Variants in ARL14EPL observed in about 807,000 individuals in gnomAD.
ARL14EPL encodes ARL14 effector protein-like.
ARL14EPL carries 17 observed loss-of-function variants against 15.9 expected under a neutral mutation model. That is an observed-to-expected ratio of 1.07 (90% CI 0.73 to 1.60). The LOEUF is 1.60. Among genes scored for constraint, ARL14EPL ranks in the 40% most tolerant of loss-of-function variants. The probability of loss-of-function intolerance (pLI) is 0.00; values close to 1 mark genes in which losing one functional copy is unlikely to be tolerated. For missense variants in ARL14EPL, 214 were observed against 185.9 expected (o/e 1.15, Z -0.88); for synonymous variants, 78 against 63.8 (o/e 1.22, Z -1.06).
At chr5:116,057,043 C>A (rs950409925) in intron 3 of ARL14EPL, among the ~76,000 whole-genome samples, 8 of 152,110 alleles carry the variant, frequency 5.3e-5, no homozygotes. Context: ...ACTGGCAAAC[C>A]AAATCCAGCA....
rs150104180 is a variant in ARL14EPL at position 116,037,302 on chromosome 5, A to G, written c.-10+4797A>G. On this transcript the variant is annotated intron_variant, in intron 1 of 3. Coordinates refer to ENST00000686077, the MANE Select transcript of ARL14EPL (RefSeq NM_001195581.2). ...CTATATGGTCTCCAAAGCCCTCTCC[A>G]GATGTGACACCGCATTGACACACAG... Among the ~76,000 whole-genome samples the G allele has an allele frequency of 4.3e-3, 653 of 152,352 alleles. 3 individuals are homozygous for G. The highest frequency in any genetic ancestry group is 7.2e-3 in the Non-Finnish European group (493 of 68,028).
intron 1 of ARL14EPL, among the ~76,000 whole-genome samples, chr5:116,047,458 T>C (rs1749294971): frequency 6.6e-6 from 1 of 152,244 alleles, no homozygotes; most frequent in African/African-American, 2.4e-5. Flanking sequence ...ATTAGTATCT[T>C]TGTGACTCAA....
intron 1 of ARL14EPL, among the ~76,000 whole-genome samples, chr5:116,036,931 G>T (rs1023334542): frequency 4.8e-5 from 6 of 125,122 alleles, no homozygotes; most frequent in African/African-American, 9.6e-5. Context: ...GGCAATTAAA[G>T]ATTTTTTTTT....
Position 116,054,025 on chromosome 5 carries a change from G to A in ARL14EPL, c.108G>A (p.Glu36=). 2 of 1,534,628 alleles carry A rather than the reference G, an allele frequency of 1.3e-6. No individual in the cohort carries two copies. Among genetic ancestry groups the A allele is most frequent in the African/African-American group, 1.4e-5 (1 of 73,112 alleles). The change falls in exon 3 of 4, where the codon GAG becomes GAA. Residue 36 remains glutamate, a synonymous_variant. Transcript: ENST00000686077. ...QIGQKQLQQI[E]RQLKCLAFRN... ...TATTTGTTTAATAGCAACAAATAGA[G>A]CGGCAGTTAAAATGCTTGGCATTTC...
chr5:116,033,299 A>G (rs1460175606), intron 1 of ARL14EPL, among the ~76,000 whole-genome samples: 1 of 151,958 alleles, frequency 6.6e-6, no homozygotes, highest in Non-Finnish European at 1.5e-5. Context: ...GAGCTATTCT[A>G]TTTTTTTCAC....
At chr5:116,053,275 C>T (rs1299240416) in intron 2 of ARL14EPL, among the ~76,000 whole-genome samples, 1 of 151,728 alleles carries the variant, frequency 6.6e-6, no homozygotes, top group African/African-American at 2.4e-5. Context: ...TCACTTGAGC[C>T]CCGGGGATTG....
intron 1 of ARL14EPL, among the ~76,000 whole-genome samples, chr5:116,033,963 C>A (rs1749004429): frequency 6.6e-6 from 1 of 152,158 alleles, no homozygotes; most frequent in Non-Finnish European, 1.5e-5. Context: ...ACTTTCTTTG[C>A]TTTCTCTCAC....
At chr5:116,033,229 A>T (rs933001990) in intron 1 of ARL14EPL, among the ~76,000 whole-genome samples, 1 of 152,204 alleles carries the variant, frequency 6.6e-6, no homozygotes, top group Non-Finnish European at 1.5e-5. Flanking sequence ...CTATTTTCAT[A>T]CTTTCCAGTG....
Position 116,054,467 on chromosome 5 carries a change from T to C in ARL14EPL, c.236+314T>C, listed in dbSNP as rs970416886. ...AGGATAAATAATATAACCATGGGAA[T>C]GAACTCAGGATATTAAATGGGCACA... On this transcript the variant is annotated intron_variant, in intron 3 of 3. Transcript: ENST00000686077. 3.9e-5 allele frequency among the ~76,000 whole-genome samples: 6 copies of C among 152,180 alleles called. No homozygotes were observed. In the East Asian group the frequency reaches 1.2e-3, roughly 29 times the overall value.
chr5:116,056,689 T>G (rs1031555430), intron 3 of ARL14EPL, among the ~76,000 whole-genome samples: 1 of 152,236 alleles, frequency 6.6e-6, no homozygotes, highest in Non-Finnish European at 1.5e-5. Flanking sequence ...TTGTTGCCAT[T>G]GCTTTTGATG....
intron 3 of ARL14EPL, among the ~76,000 whole-genome samples, chr5:116,056,302 A>G (rs991406771): frequency 2.6e-5 from 4 of 152,136 alleles, no homozygotes; most frequent in Non-Finnish European, 5.9e-5. Flanking sequence ...CATCCTCTCC[A>G]GCACCTGTTG....
intron 1 of ARL14EPL, among the ~76,000 whole-genome samples, chr5:116,033,127 T>G (rs1748988668): frequency 6.6e-6 from 1 of 152,140 alleles, no homozygotes; most frequent in Non-Finnish European, 1.5e-5. Flanking sequence ...ATTGTTACAC[T>G]CTAGTAGAAG....
At chr5:116,045,079 C>T (rs969573457) in intron 1 of ARL14EPL, among the ~76,000 whole-genome samples, 4 of 152,092 alleles carry the variant, frequency 2.6e-5, no homozygotes, top group South Asian at 2.1e-4. Flanking sequence ...ATCCTAAACC[C>T]GATGCCCTCT....
At chr5:116,045,745 A>AGAGTGTGTGT (rs1402557854) in intron 1 of ARL14EPL, among the ~76,000 whole-genome samples, 168 of 148,740 alleles carry the variant, frequency 1.1e-3, no homozygotes, top group African/African-American at 4.1e-3. Flanking sequence ...GACCCACAGA[A>AGAGTGTGTGT]GTGTGTGTGT....
chr5:116,040,745 G>A (rs929303877), intron 1 of ARL14EPL, among the ~76,000 whole-genome samples: 16 of 150,752 alleles, frequency 1.1e-4, no homozygotes, highest in Admixed American at 4.6e-4. Flanking sequence ...AGGCCAAGGT[G>A]GGCGGATCAC....
intron 1 of ARL14EPL, among the ~76,000 whole-genome samples, chr5:116,037,317 T>A (rs182076234): frequency 2.4e-4 from 36 of 152,366 alleles, no homozygotes; most frequent in African/African-American, 8.2e-4. Context: ...TGACACCGCA[T>A]TGACACACAG....
intron 2 of ARL14EPL, 49 bp downstream of exon 2, chr5:116,051,610 C>G: frequency 7.0e-7 from 1 of 1,434,580 alleles, no homozygotes; most frequent in Non-Finnish European, 9.4e-7. Context: ...AGTGCCCCCT[C>G]GAGGATCTCT....
intron 2 of ARL14EPL, chr5:116,052,422 A>T (rs1018374372): frequency 9.5e-5 from 60 of 631,180 alleles, no homozygotes; most frequent in Non-Finnish European, 1.6e-4. Context: ...GTATGTATTA[A>T]CTCATCTAAT....
intron 1 of ARL14EPL, among the ~76,000 whole-genome samples, chr5:116,034,500 A>G (rs1363048771): frequency 3.3e-5 from 5 of 152,162 alleles, no homozygotes; most frequent in African/African-American, 1.2e-4. Context: ...ATTTCTTCAC[A>G]AGGTTGATGT....
Sources: gnomAD v4.1 joint callset for allele counts (sites outside exome capture counted in the v4.1 genomes callset) on GRCh38, gnomAD v4.1.1 for gene constraint, MANE v1.5 for transcripts, NCBI Gene and HGNC (gene_info 2026-07-23, HGNC 2026-07-21) for gene names.